The following CDK7 variants were observed in gnomAD, a reference collection of about 807,000 sequenced individuals.
CDK7 encodes cyclin dependent kinase 7, also known as cyclin-dependent kinase 7.
Under a neutral mutation model 49.1 loss-of-function variants are expected in CDK7, and 25 were observed. The observed-to-expected ratio is 0.51, with a 90% CI of 0.37 to 0.71. The LOEUF is 0.71. Ranked by LOEUF, CDK7 falls within the 30% of genes least tolerant of loss-of-function variation. The pLI, the probability that CDK7 is intolerant of heterozygous loss-of-function variation, is 0.00. For synonymous variants in CDK7, 107 were observed against 140.0 expected (o/e 0.76, Z 1.67); for missense variants, 316 against 411.7 (o/e 0.77, Z 2.01).
intron 9 of CDK7, 85 bp downstream of exon 9, chr5:69,269,378 C>T (rs938974947): frequency 4.4e-5 from 36 of 819,240 alleles, no homozygotes; most frequent in Admixed American, 7.5e-5. Context: ...AGTGCTGTCA[C>T]GTGAATATTA....
chr5:69,237,191 C>G (rs1354322581), intron 2 of CDK7, among the ~76,000 whole-genome samples: 1 of 151,912 alleles, frequency 6.6e-6, no homozygotes, highest in Non-Finnish European at 1.5e-5. Flanking sequence ...GCCACCAACT[C>G]CTGGACTAAA....
In CDK7 at chr5:69,270,891, T is replaced by G. The variant is rs114986155; in HGVS notation, c.714+1598T>G. Among the ~76,000 whole-genome samples, 355 of 152,350 alleles carry G rather than the reference T, an allele frequency of 2.3e-3. 1 individual carries two copies. Among genetic ancestry groups the G allele is most frequent in the African/African-American group, 8.2e-3 (343 of 41,592 alleles). On this transcript the variant is annotated intron_variant, in intron 9 of 11. Coordinates refer to ENST00000256443, the MANE Select transcript of CDK7 (RefSeq NM_001799.4). The stretch of plus-strand genomic sequence containing the variant: ...CCATTGAAGGACATCTATATTTGTG[T>G]TGTTTCCAATGTGGGGCTATTACCA...
At chr5:69,276,431 G>T in intron 10 of CDK7, 112 bp from the exon 11 acceptor site, 2 of 862,030 alleles carry the variant, frequency 2.3e-6, no homozygotes, top group South Asian at 1.5e-5. Flanking sequence ...TGTTGGGAAT[G>T]AGGGCATTCA....
Position 69,269,858 on chromosome 5 carries a change from C to CA in CDK7, c.714+566dup, listed in dbSNP as rs765180952. ...TCAGCCTCCCAAAGTGCTGGCATTACAGGCATGAGCCAGCGCACTTGGCTA... is the reference window on the plus strand; with the variant it reads ...TCAGCCTCCCAAAGTGCTGGCATTACAAGGCATGAGCCAGCGCACTTGGCTA... On this transcript the variant is annotated intron_variant, in intron 9 of 11. Coordinates refer to ENST00000256443, the MANE Select transcript of CDK7 (RefSeq NM_001799.4). Among the ~76,000 whole-genome samples the CA allele has an allele frequency of 2.0e-5, 3 of 150,906 alleles. No homozygotes were observed. In the East Asian group the frequency reaches 6.0e-4, roughly 30 times the overall value.
chr5:69,258,376 A>ATT (rs58004328), intron 6 of CDK7, among the ~76,000 whole-genome samples: 35 of 105,024 alleles, frequency 3.3e-4, no homozygotes, highest in African/African-American at 8.0e-4. Context: ...CCAGTCCCTC[A>ATT]TTTTTTTTTT....
intron 2 of CDK7, among the ~76,000 whole-genome samples, chr5:69,237,376 TTTGGTCTGGCTTCTTGG>T (rs778719866): frequency 1.3e-5 from 2 of 152,148 alleles, no homozygotes; most frequent in Non-Finnish European, 2.9e-5. Flanking sequence ...GATCATTGCA[TTTGGTCTGGCTTCTTGG>T]TTGGTATATT....
At chr5:69,245,441 A>C (rs1028051052) in intron 2 of CDK7, among the ~76,000 whole-genome samples, 2 of 151,164 alleles carry the variant, frequency 1.3e-5, no homozygotes, top group Non-Finnish European at 2.9e-5. Context: ...TCCTGGGTTC[A>C]AGTATTCTCC....
intron 2 of CDK7, among the ~76,000 whole-genome samples, chr5:69,248,802 CTTTTTTTTTTT>C (rs70992911): frequency 2.2e-5 from 2 of 92,276 alleles, no homozygotes; most frequent in East Asian, 3.2e-4. Context: ...TTTTTTTTTT[CTTTTTTTTTTT>C]TTTTTTGGAG....
chr5:69,258,021 A>AT, intron 5 of CDK7, 22 bp from the exon 6 acceptor site: 1 of 1,106,706 alleles, frequency 9.0e-7, no homozygotes, highest in Non-Finnish European at 1.4e-6. Flanking sequence ...GGGTACCTGT[A>AT]TATTGTATAC....
At chr5:69,251,097 C>CTTTTT (rs34886081) in intron 2 of CDK7, among the ~76,000 whole-genome samples, 2 of 135,834 alleles carry the variant, frequency 1.5e-5, no homozygotes, top group East Asian at 2.2e-4. Flanking sequence ...GCCCCGGTAA[C>CTTTTT]TTTTTTTTTT....
chr5:69,260,432 C>T (rs1750744494), intron 7 of CDK7, among the ~76,000 whole-genome samples: 1 of 152,092 alleles, frequency 6.6e-6, no homozygotes. Flanking sequence ...AATACATAGC[C>T]CCTTTTCAAA....
Position 69,277,260 on chromosome 5 carries a change from T to C in CDK7, c.*125T>C. Reference sequence around the variant, plus strand: ...GTAAATATTCTACACATGTAAAATATGTAAAACTATGGGTTATTTTTATTA... The same window carrying C: ...GTAAATATTCTACACATGTAAAATACGTAAAACTATGGGTTATTTTTATTA... On this transcript the variant is annotated 3_prime_UTR_variant, in exon 12 of 12. Transcript: ENST00000256443. 1 of 535,144 alleles carries C rather than the reference T, an allele frequency of 1.9e-6. No homozygotes were observed. Among genetic ancestry groups the C allele is most frequent in the Non-Finnish European group, 3.3e-6 (1 of 307,150 alleles). The allele number at this position is 535,144 out of a possible 1,614,324, so 33.1% of individuals were successfully genotyped here.
Position 69,253,368 on chromosome 5 carries a change from G to A in CDK7, c.160+917G>A, listed in dbSNP as rs536522188. Among the ~76,000 whole-genome samples, 15 of 152,034 alleles carry A rather than the reference G, an allele frequency of 9.9e-5. No homozygotes were observed. In the East Asian group the frequency reaches 2.5e-3, roughly 26 times the overall value. ...CAACCTCTACCTCCCGGGTTCAAGC[G>A]ATTCTCCTGCCTCAGCTTCCTGAGT... On this transcript the variant is annotated intron_variant, in intron 3 of 11. Coordinates refer to ENST00000256443, the MANE Select transcript of CDK7 (RefSeq NM_001799.4).
chr5:69,242,485 G>A (rs1172018811), intron 2 of CDK7, among the ~76,000 whole-genome samples: 1 of 152,144 alleles, frequency 6.6e-6, no homozygotes, highest in African/African-American at 2.4e-5. Context: ...CCAACCACCA[G>A]TTTTACGTTT....
At position 69,269,205 on chromosome 5, in the gene CDK7, A is replaced by C. The variant is rs1166547406; in HGVS notation, c.628-2A>C. ...AAAAGTCTCCCTCTTACTTTCTTTC[A>C]GGTTCCTTTTTTGCCAGGAGATTCA... On this transcript the variant is annotated splice_acceptor_variant, in intron 8 of 11. Transcript: ENST00000256443. LOFTEE classifies it high-confidence loss of function. 2 of 1,590,816 alleles carry C rather than the reference A, an allele frequency of 1.3e-6. No individual in the cohort carries two copies. Among genetic ancestry groups the C allele is most frequent in the East Asian group, 2.2e-5 (1 of 44,678 alleles).
At chr5:69,242,403 A>G (rs2150186011) in intron 2 of CDK7, among the ~76,000 whole-genome samples, 1 of 152,262 alleles carries the variant, frequency 6.6e-6, no homozygotes, top group South Asian at 2.1e-4. Context: ...CAGTTGAGTC[A>G]GTTTCTTCAT....
chr5:69,243,668 G>A (rs549056313), intron 2 of CDK7, among the ~76,000 whole-genome samples: 3 of 152,018 alleles, frequency 2.0e-5, no homozygotes, highest in South Asian at 4.2e-4. Flanking sequence ...TTTCCATGAC[G>A]AATGTCATTG....
chr5:69,235,508 A>G (rs1748908808), intron 2 of CDK7, 55 bp downstream of exon 2: 1 of 1,151,660 alleles, frequency 8.7e-7, no homozygotes. Flanking sequence ...CTGTATTATT[A>G]ATTGACTGAT....
chr5:69,249,144 C>T (rs899108362), intron 2 of CDK7, among the ~76,000 whole-genome samples: 1 of 151,944 alleles, frequency 6.6e-6, no homozygotes, highest in Admixed American at 6.6e-5. Context: ...ATCTTGTAGG[C>T]ACGTCTCATT....
Sources: gnomAD v4.1 joint callset for allele counts (sites outside exome capture counted in the v4.1 genomes callset) on GRCh38, gnomAD v4.1.1 for gene constraint, MANE v1.5 for transcripts, NCBI Gene and HGNC (gene_info 2026-07-23, HGNC 2026-07-21) for gene names.